The following KCP variants were observed in gnomAD, a reference collection of about 807,000 sequenced individuals.
KCP encodes kielin/chordin-like protein.
A neutral mutation model predicts 212.7 loss-of-function variants in KCP; 194 were observed. That is an observed-to-expected ratio of 0.91 (90% confidence interval 0.81 to 1.03). The LOEUF (loss-of-function observed/expected upper bound fraction) is 1.03. Among genes scored for constraint, KCP ranks in the 50% least tolerant of loss-of-function variants. KCP has a pLI of 0.00. For synonymous variants in KCP, 833 were observed against 865.3 expected, an observed-to-expected ratio of 0.96 and a Z score of 0.65; for missense variants, 2,080 against 2,162.5, an observed-to-expected ratio of 0.96 and a Z score of 0.76.
intron 8 of KCP, among the ~76,000 whole-genome samples, chr7:128,894,631 A>G (rs1410281716): frequency 6.6e-6 from 1 of 151,858 alleles, no homozygotes; most frequent in Non-Finnish European, 1.5e-5. Context: ...GTTGAGATGG[A>G]GTTTTGCTCT....
At chr7:128,883,517 CAG>C (rs756070325) in intron 29 of KCP, among the ~76,000 whole-genome samples, 13 of 152,028 alleles carry the variant, frequency 8.6e-5, no homozygotes, top group Non-Finnish European at 1.8e-4. Flanking sequence ...GGACCAGAAA[CAG>C]AAAAAAATTC....
rs1314167921 is a variant in KCP, at chr7:128,908,590, T to C, written c.77-22A>G. ...CCACCTGAAGGGCACAAGAATCCCA[T>C]GTGGGCCTGAGGGTGAGGGGCTGGC... On this transcript the variant is annotated intron_variant, in intron 1 of 39. Coordinates refer to ENST00000610776, the MANE Select transcript of KCP (RefSeq NM_001366122.1). The C allele has an allele frequency of 2.6e-6, 4 of 1,545,220 alleles. No homozygotes were observed. In the Admixed American group the frequency reaches 5.9e-5, roughly 23 times the overall value.
chr7:128,905,386 C>A (rs1338613404), intron 5 of KCP, among the ~76,000 whole-genome samples: 12 of 152,102 alleles, frequency 7.9e-5, no homozygotes, highest in African/African-American at 2.7e-4. Context: ...CCAGTAACAC[C>A]CCCCTGCATA....
intron 7 of KCP, 62 bp from the exon 8 acceptor site, chr7:128,902,921 G>T: frequency 7.9e-7 from 1 of 1,260,382 alleles, no homozygotes. Flanking sequence ...CCCAGCCTCA[G>T]CCTGCCCGCC....
chr7:128,896,224 G>A (rs1448394870), intron 8 of KCP, among the ~76,000 whole-genome samples: 1 of 152,214 alleles, frequency 6.6e-6, no homozygotes, highest in Non-Finnish European at 1.5e-5. Flanking sequence ...CTGGCGGACT[G>A]TGGGTAAGTG....
chr7:128,892,998 A>C lies in KCP; in HGVS notation c.1291T>G (p.Phe431Val), dbSNP rs1397159912. 1 of 991,102 alleles carries C rather than the reference A, an allele frequency of 1.0e-6. No individual in the cohort carries two copies. The highest frequency in any genetic ancestry group is 1.6e-6 in the Non-Finnish European group (1 of 635,246). 61.4% of individuals were successfully genotyped at this position (991,102 alleles called of 1,614,324 possible). A position where few individuals can be genotyped will look rare whatever the true frequency, so the allele number is the denominator to read the frequency against. The change falls in exon 14 of 40, where the codon TTT becomes GTT. Residue 431 changes from phenylalanine (F) to valine (V), a missense_variant. Transcript: ENST00000610776. ...GGCTCCCACTGGACTCCCTCAGCAA[A>C]CTCCTCTCCATCCAGCTCACAGGCT... ...CPACELDGEE[F>V]AEGVQWEPDG... is the part of the protein sequence containing the mutation.
intron 28 of KCP, 46 bp downstream of exon 28, chr7:128,884,735 C>A: frequency 4.2e-6 from 6 of 1,412,840 alleles, no homozygotes; most frequent in African/African-American, 1.4e-5. Flanking sequence ...GCTGCCCACT[C>A]CCCCCCGACG....
At position 128,884,108 on chromosome 7, in the gene KCP, C is replaced by G; in HGVS notation, c.3138G>C (p.Gly1046=). The change falls in exon 29 of 40, where the codon GGG becomes GGC. Residue 1046 remains glycine (G), a synonymous_variant. Coordinates refer to ENST00000610776, the MANE Select transcript of KCP (RefSeq NM_001366122.1). ...EVCICEPQPE[G]PPSLRCHRRQ... ...GCCGGTGACAGCGAAGGCTGGGAGG[C>G]CCCTCAGGCTGTGGCTACAAGAATG... The G allele has an allele frequency of 6.5e-7, 1 of 1,544,396 alleles. No individual in the cohort carries two copies. Among genetic ancestry groups the G allele is most frequent in the Non-Finnish European group, 8.7e-7 (1 of 1,145,192 alleles).
chr7:128,897,777 T>C (rs1192702859), intron 8 of KCP, among the ~76,000 whole-genome samples: 1 of 152,180 alleles, frequency 6.6e-6, no homozygotes, highest in Non-Finnish European at 1.5e-5. Context: ...CCTGGGGACA[T>C]GTGGAATTAG....
intron 5 of KCP, chr7:128,904,518 G>C (rs976879058): frequency 8.7e-6 from 6 of 688,434 alleles, no homozygotes; most frequent in African/African-American, 3.6e-5. Flanking sequence ...GGCCTAGCAG[G>C]CTTCAGCCCT....
Position 128,878,547 on chromosome 7 carries a change from G to A in KCP, c.4311+11C>T. ...CCCCTAATCCCCATCCCCGGTTCCT[G>A]TACCACTCACCTGCCAGCTATTCCC... On this transcript the variant is annotated intron_variant, in intron 38 of 39. Coordinates refer to ENST00000610776, the MANE Select transcript of KCP (RefSeq NM_001366122.1). 1.3e-6 allele frequency: 2 copies of A among 1,550,340 alleles called. No homozygotes were observed. The highest frequency in any genetic ancestry group is 1.2e-5 in the South Asian group (1 of 83,974).
Position 128,907,555 on chromosome 7 carries a change from G to A in KCP, c.220-102C>T, listed in dbSNP as rs533743358. On this transcript the variant is annotated intron_variant, in intron 2 of 39. Coordinates refer to ENST00000610776, the MANE Select transcript of KCP (RefSeq NM_001366122.1). ...ATGAGGCAGGATGAGAAAGAAGTTCGCCAATTCCAGAGCAGAGATGGGTCC... is the reference window on the plus strand; with the variant it reads ...ATGAGGCAGGATGAGAAAGAAGTTCACCAATTCCAGAGCAGAGATGGGTCC... 9 of 783,470 alleles carry A rather than the reference G, an allele frequency of 1.1e-5. No individual in the cohort carries two copies. In the South Asian group the frequency reaches 1.9e-4, roughly 17 times the overall value. The allele number at this position is 783,470 out of a possible 1,614,324, so 48.5% of individuals were successfully genotyped here. A position where few individuals can be genotyped will look rare whatever the true frequency, so the allele number is the denominator to read the frequency against.
chr7:128,899,328 T>C (rs939063152), intron 8 of KCP, among the ~76,000 whole-genome samples: 2 of 152,236 alleles, frequency 1.3e-5, no homozygotes, highest in Non-Finnish European at 2.9e-5. Context: ...TAAACAATTG[T>C]TGTCTTGTTT....
chr7:128,907,278 A>C lies in KCP; in HGVS notation c.395T>G (p.Leu132Arg). 6.5e-7 allele frequency: 1 copy of C among 1,534,148 alleles called. No individual in the cohort carries two copies. Among genetic ancestry groups the C allele is most frequent in the Non-Finnish European group, 8.8e-7 (1 of 1,133,062 alleles). The change falls in exon 3 of 40, where the codon CTG (leucine) becomes CGG (arginine). Residue 132 changes from leucine to arginine, a missense_variant. By Grantham distance (102) the Leu-to-Arg change is moderately radical (BLOSUM62 -2). Transcript: ENST00000610776. ...GAAHCGPQAH[L>R]PHCRGCSQNG... ...GTGGCACTTACCCCTGCAATGGGGC[A>C]GGTGTGCTTGGGGGCCACAGTGAGC... is the stretch of plus-strand genomic sequence containing the variant.
intron 8 of KCP, 53 bp downstream of exon 8, chr7:128,902,724 A>C (rs1333960040): frequency 4.1e-6 from 6 of 1,449,834 alleles, no homozygotes; most frequent in Non-Finnish European, 5.7e-6. Context: ...AAATGAATAC[A>C]GTGGGCCTGA....
At chr7:128,906,760 A>G (rs938219655) in intron 4 of KCP, among the ~76,000 whole-genome samples, 2 of 152,098 alleles carry the variant, frequency 1.3e-5, no homozygotes, top group Non-Finnish European at 2.9e-5. Flanking sequence ...GGGAGGTGAT[A>G]TAGGAGGACA....
chr7:128,883,726 TGCCTGG>T (rs970643038), intron 29 of KCP, among the ~76,000 whole-genome samples: 1 of 152,248 alleles, frequency 6.6e-6, no homozygotes, highest in African/African-American at 2.4e-5. Context: ...ACCCCCTGCC[TGCCTGG>T]GCCTCACGTC....
intron 11 of KCP, 132 bp from the exon 12 acceptor site, chr7:128,893,608 G>T: frequency 1.1e-6 from 1 of 949,660 alleles, no homozygotes; most frequent in Non-Finnish European, 1.6e-6. Flanking sequence ...CCTGCCAGCA[G>T]CCCCCTGCCC....
chr7:128,879,327 A>G, intron 37 of KCP, 195 bp downstream of exon 37: 1 of 579,826 alleles, frequency 1.7e-6, no homozygotes. Flanking sequence ...AATCGGGCTC[A>G]GAACTCAGAA....
Sources: gnomAD v4.1 joint callset for allele counts (sites outside exome capture counted in the v4.1 genomes callset) on GRCh38, gnomAD v4.1.1 for gene constraint, MANE v1.5 for transcripts, NCBI Gene and HGNC (gene_info 2026-07-23, HGNC 2026-07-21) for gene names.